Variants in ZNF107 observed in about 807,000 individuals in gnomAD.
ZNF107 encodes zinc finger protein 107.
In ZNF107, 19 loss-of-function variants were observed where a neutral mutation model predicts 12.3. The ratio of observed to expected loss-of-function variants is 1.55; its 90% CI spans 1.08 to 2.27. ZNF107 has a LOEUF of 2.27. Ranked by LOEUF, ZNF107 falls within the 30% of genes most tolerant of loss-of-function variation. ZNF107 has a pLI of 0.00. For synonymous variants in ZNF107, 317 were observed against 330.5 expected, an observed-to-expected ratio of 0.96 and a Z score of 0.44; for missense variants, 958 against 979.9, an observed-to-expected ratio of 0.98 and a Z score of 0.30.
At chr7:64,695,199 A>G (rs73136802) in intron 3 of ZNF107, among the ~76,000 whole-genome samples, 52,827 of 151,798 alleles carry the variant, frequency 0.35, 9,700 homozygotes, top group Non-Finnish European at 0.4. Flanking sequence ...TATTTTGTGT[A>G]AGAATAGCAT....
At chr7:64,674,104 A>G (rs993335210) in intron 1 of ZNF107, among the ~76,000 whole-genome samples, 2 of 149,716 alleles carry the variant, frequency 1.3e-5, no homozygotes, top group Non-Finnish European at 1.5e-5. Context: ...TTGTTGTTCC[A>G]TATGAATTTT....
intron 3 of ZNF107, among the ~76,000 whole-genome samples, chr7:64,697,582 T>C (rs964490885): frequency 6.6e-6 from 1 of 152,242 alleles, no homozygotes; most frequent in Admixed American, 6.5e-5. Flanking sequence ...TAAACATAGA[T>C]GTTCAAATAT....
At chr7:64,703,823 T>C (rs1790552236) in intron 3 of ZNF107, among the ~76,000 whole-genome samples, 1 of 152,144 alleles carries the variant, frequency 6.6e-6, no homozygotes, top group South Asian at 2.1e-4. Context: ...GCTAACGTTA[T>C]TGTTTAATTT....
At chr7:64,675,305 A>C (rs1584464414) in intron 1 of ZNF107, among the ~76,000 whole-genome samples, 1 of 151,996 alleles carries the variant, frequency 6.6e-6, no homozygotes, top group Non-Finnish European at 1.5e-5. Context: ...TCAGGGATTC[A>C]ATTTCTTTTT....
chr7:64,709,261 A>G lies in ZNF107; in HGVS notation c.*605A>G, dbSNP rs943914656. The G allele has an allele frequency of 1.9e-5, 7 of 366,904 alleles. 1 individual carries two copies. The highest frequency in any genetic ancestry group is 4.7e-5 in the South Asian group (2 of 43,010). 22.7% of individuals were successfully genotyped at this position (366,904 alleles called of 1,614,324 possible). A position where few individuals can be genotyped will look rare whatever the true frequency, so the allele number is the denominator to read the frequency against. On this transcript the variant is annotated 3_prime_UTR_variant, in exon 4 of 4. Coordinates refer to ENST00000620827, the MANE Select transcript of ZNF107 (RefSeq NM_001282359.2). ...TTAACTGATTCTCAACTCTTACTAC[A>G]TGTAAGAGTATTTATACTGGAAAGA... is the stretch of plus-strand genomic sequence containing the variant.
Position 64,708,102 on chromosome 7 carries a change from A to G in ZNF107, c.2005A>G (p.Ile669Val), listed in dbSNP as rs776584486. ...NLFSNITNHK[I>V]IYTGEKPHKC... ...ATTCTCAAACATTACTAACCATAAGATAATTTATACTGGAGAGAAACCCCA... is the reference window on the plus strand; with the variant it reads ...ATTCTCAAACATTACTAACCATAAGGTAATTTATACTGGAGAGAAACCCCA... The change falls in exon 4 of 4, where the codon ATA becomes GTA. Residue 669 changes from isoleucine to valine, a missense_variant. Ile to Val is a conservative substitution (Grantham distance 29). Transcript: ENST00000620827. The G allele has an allele frequency of 8.7e-6, 14 of 1,613,056 alleles. No homozygotes were observed. The East Asian group carries it at 2.7e-4, about 31-fold the overall frequency.
chr7:64,673,197 C>T (rs1234804378), intron 1 of ZNF107, among the ~76,000 whole-genome samples: 1 of 152,212 alleles, frequency 6.6e-6, no homozygotes, highest in Non-Finnish European at 1.5e-5. Flanking sequence ...GTGCCTGCCA[C>T]CGTGCCTGGC....
Position 64,691,255 on chromosome 7 carries a change from T to A in ZNF107, c.11T>A (p.Leu4Gln). Reference protein sequence around the residue: MEPLTFKDVAIEFS... With the variant: MEPQTFKDVAIEFS... Reference sequence around the variant, plus strand: ...TGTGTTTGTGTTTTTCAGGAACCACTGACATTTAAAGATGTCGCCATAGAA... The same window carrying A: ...TGTGTTTGTGTTTTTCAGGAACCACAGACATTTAAAGATGTCGCCATAGAA... The change falls in exon 2 of 4, where the codon CTG (leucine) becomes CAG (glutamine). Residue 4 changes from leucine (L) to glutamine (Q), a missense_variant. By Grantham distance (113) the Leu-to-Gln change is moderately radical (BLOSUM62 -2). Coordinates refer to ENST00000620827, the MANE Select transcript of ZNF107 (RefSeq NM_001282359.2). 2 of 1,512,664 alleles carry A rather than the reference T, an allele frequency of 1.3e-6. No individual in the cohort carries two copies. The highest frequency in any genetic ancestry group is 4.3e-5 in the Admixed American group (2 of 46,802). 93.7% of individuals were successfully genotyped at this position (1,512,664 alleles called of 1,614,324 possible).
rs779678332 is a variant in ZNF107 at position 64,711,534 on chromosome 7, TAAAC to T, written c.*2879_*2882del. 11 of 149,998 alleles carry T rather than the reference TAAAC, an allele frequency of 7.3e-5. No homozygotes were observed. Among genetic ancestry groups the T allele is most frequent in the East Asian group, 2.0e-4 (1 of 5,026 alleles). The allele number at this position is 149,998 out of a possible 1,614,324, so 9.3% of individuals were successfully genotyped here. The stretch of plus-strand genomic sequence containing the variant: ...AATAAAAATTATATACAAGTATAAA[TAAAC>T]CATGAGAAAATTCTGAGTTCTGAAT... On this transcript the variant is annotated 3_prime_UTR_variant, in exon 4 of 4. Coordinates refer to ENST00000620827, the MANE Select transcript of ZNF107 (RefSeq NM_001282359.2).
Position 64,682,128 on chromosome 7 carries a change from G to A in ZNF107, c.4-9120G>A, listed in dbSNP as rs371312594. Among the ~76,000 whole-genome samples the A allele has an allele frequency of 2.1e-3, 323 of 151,654 alleles. 4 individuals are homozygous for A. Among genetic ancestry groups the A allele is most frequent in the African/African-American group, 7.0e-3 (287 of 41,112 alleles). On this transcript the variant is annotated intron_variant, in intron 1 of 3. Transcript: ENST00000620827. ...ATCCAGTATGTCGATGATCTCTGCA[G>A]TCTCTCCTAGGAATCCTCCCAACAG...
chr7:64,705,314 A>T (rs1790602594), intron 3 of ZNF107, among the ~76,000 whole-genome samples: 1 of 148,990 alleles, frequency 6.7e-6, no homozygotes. Context: ...TTGCATTTTT[A>T]CCTCCACAAT....
chr7:64,696,020 A>G (rs1447978898), intron 3 of ZNF107, among the ~76,000 whole-genome samples: 1 of 151,896 alleles, frequency 6.6e-6, no homozygotes, highest in Non-Finnish European at 1.5e-5. Context: ...CTTGAGCCCA[A>G]AAGTTTGAGA....
chr7:64,688,446 G>T (rs1790003097), intron 1 of ZNF107, among the ~76,000 whole-genome samples: 1 of 151,684 alleles, frequency 6.6e-6, no homozygotes, highest in Admixed American at 6.6e-5. Flanking sequence ...TAGTGGAAGG[G>T]GGGGTTTCAC....
intron 1 of ZNF107, among the ~76,000 whole-genome samples, chr7:64,677,735 C>A (rs1054879346): frequency 1.7e-4 from 26 of 151,112 alleles, no homozygotes; most frequent in African/African-American, 6.1e-4. Context: ...GCCTATAGAC[C>A]CAGCTACTTG....
intron 3 of ZNF107, among the ~76,000 whole-genome samples, chr7:64,699,564 A>G (rs1429722027): frequency 6.6e-6 from 1 of 152,114 alleles, no homozygotes. Context: ...AGCTAGGACT[A>G]CAGACATACT....
intron 3 of ZNF107, among the ~76,000 whole-genome samples, chr7:64,704,395 A>AC (rs1265551922): frequency 6.6e-6 from 1 of 151,910 alleles, no homozygotes; most frequent in Non-Finnish European, 1.5e-5. Context: ...ACAGGCATGC[A>AC]CCACCACACC....
Position 64,708,241 on chromosome 7 carries a change from A to G in ZNF107, c.2144A>G (p.Asn715Ser). Residue 715 changes from asparagine (N) to serine (S), a missense_variant, in exon 4 of 4, where the codon AAC becomes AGC. Asn to Ser is a conservative substitution (Grantham distance 46). Coordinates refer to ENST00000620827, the MANE Select transcript of ZNF107 (RefSeq NM_001282359.2). ...TGTGCAGAATGTGGCAAAGCCTTTA[A>G]CTGCTCCTCAACCCTTAATAGACAT... Reference protein sequence around the residue: ...YQCAECGKAFNCSSTLNRHKI... With the variant: ...YQCAECGKAFSCSSTLNRHKI... 2 of 1,613,662 alleles carry G rather than the reference A, an allele frequency of 1.2e-6. No individual in the cohort carries two copies. The highest frequency in any genetic ancestry group is 1.7e-6 in the Non-Finnish European group (2 of 1,179,764).
intron 3 of ZNF107, among the ~76,000 whole-genome samples, chr7:64,705,403 C>G (rs532571772): frequency 4.0e-5 from 6 of 151,880 alleles, no homozygotes; most frequent in Admixed American, 3.9e-4. Flanking sequence ...TGTTCCTATT[C>G]ACTCATGGAG....
chr7:64,686,232 A>G (rs921165574), intron 1 of ZNF107, among the ~76,000 whole-genome samples: 3 of 152,116 alleles, frequency 2.0e-5, no homozygotes, highest in Admixed American at 2.0e-4. Context: ...CTAAAATCAG[A>G]CAATGTCTTT....
Sources: allele counts gnomAD v4.1 joint callset (sites outside exome capture counted in the v4.1 genomes callset), GRCh38; gene constraint gnomAD v4.1.1; transcripts MANE v1.5; gene names NCBI Gene and HGNC (gene_info 2026-07-23, HGNC 2026-07-21).